The following ANKRD66 variants were observed in gnomAD, a reference collection of about 807,000 sequenced individuals.
ANKRD66 encodes the protein ankyrin repeat domain-containing protein 66.
In ANKRD66, 10 loss-of-function variants were observed where a neutral mutation model predicts 10.9. The observed-to-expected ratio is 0.91, with a 90% confidence interval of 0.56 to 1.55. ANKRD66 has a LOEUF of 1.55. ANKRD66 is among the 40% of genes most tolerant of loss of function. The pLI, the probability that ANKRD66 is intolerant of heterozygous loss-of-function variation, is 0.00. For synonymous variants in ANKRD66, 85 were observed against 88.4 expected (o/e 0.96, Z 0.22); for missense variants, 252 against 242.9 (o/e 1.04, Z -0.25).
In ANKRD66 at chr6:46,753,897, G is replaced by A. The variant is rs941971120; in HGVS notation, c.339G>A (p.Pro113=). ...CCCCTGACTTCTTTGGAGACACACC[G>A]AAGAGGATTGCACAGATCTATGGAC... The part of the protein sequence containing the change: ...IDAPDFFGDT[P]KRIAQIYGQK... The change falls in exon 4 of 5, where the codon CCG becomes CCA. Residue 113 remains proline, a synonymous_variant. Transcript: ENST00000565422. 1.0e-5 allele frequency: 16 copies of A among 1,551,508 alleles called. No homozygotes were observed. Among genetic ancestry groups the A allele is most frequent in the South Asian group, 4.8e-5 (4 of 84,056 alleles).
intron 4 of ANKRD66, among the ~76,000 whole-genome samples, chr6:46,755,442 A>G: frequency 6.6e-6 from 1 of 152,214 alleles, no homozygotes; most frequent in South Asian, 2.1e-4. Context: ...TTTAGAAAAA[A>G]TATTGAAGCC....
intron 4 of ANKRD66, chr6:46,758,470 G>A (rs1766421958): frequency 8.2e-6 from 3 of 367,330 alleles, no homozygotes; most frequent in African/African-American, 4.1e-5. Flanking sequence ...AGAATCAGGA[G>A]CATTTTCTTC....
In ANKRD66 at chr6:46,758,705, C is replaced by G. The variant is rs1158396399; in HGVS notation, c.393-18C>G. On this transcript the variant is annotated intron_variant, in intron 4 of 4. Coordinates refer to ENST00000565422, the MANE Select transcript of ANKRD66 (RefSeq NM_001162435.3). Reference sequence around the variant, plus strand: ...GTCCTCCTGATCCAAGTTCAGAAGGCTCTCTCTTCTTTCCTAGGGCAGAGC... The same window carrying G: ...GTCCTCCTGATCCAAGTTCAGAAGGGTCTCTCTTCTTTCCTAGGGCAGAGC... The G allele has an allele frequency of 7.8e-6, 12 of 1,531,616 alleles. No homozygotes were observed. Among genetic ancestry groups the G allele is most frequent in the Non-Finnish European group, 9.7e-6 (11 of 1,139,716 alleles). The allele number at this position is 1,531,616 out of a possible 1,614,324, so 94.9% of individuals were successfully genotyped here. A position where few individuals can be genotyped will look rare whatever the true frequency, so the allele number is the denominator to read the frequency against.
At chr6:46,748,081 G>A (rs1317479791) in intron 1 of ANKRD66, among the ~76,000 whole-genome samples, 1 of 152,122 alleles carries the variant, frequency 6.6e-6, no homozygotes, top group African/African-American at 2.4e-5. Context: ...GTGAGGGAGA[G>A]GACCAACTTC....
intron 4 of ANKRD66, chr6:46,756,873 T>C (rs1007515728): frequency 1.3e-5 from 2 of 152,250 alleles, no homozygotes; most frequent in Non-Finnish European, 2.9e-5. Context: ...TTTCTAAGAA[T>C]AAATCTTATG....
At chr6:46,751,491 A>AT (rs751205531) in intron 2 of ANKRD66, among the ~76,000 whole-genome samples, 5 of 151,382 alleles carry the variant, frequency 3.3e-5, no homozygotes, top group African/African-American at 4.9e-5. Context: ...ATCCAATATA[A>AT]TTTTTTTTTG....
intron 4 of ANKRD66, among the ~76,000 whole-genome samples, chr6:46,755,789 A>C (rs184120567): frequency 6.6e-6 from 1 of 152,334 alleles, no homozygotes; most frequent in African/African-American, 2.4e-5. Flanking sequence ...GCAACTTGAA[A>C]GCTAATCTAC....
intron 1 of ANKRD66, among the ~76,000 whole-genome samples, chr6:46,748,385 G>A (rs546396486): frequency 3.0e-4 from 46 of 152,118 alleles, no homozygotes; most frequent in Non-Finnish European, 6.2e-4. Flanking sequence ...GGGACAAATG[G>A]GGTTAGTTGA....
chr6:46,757,154 A>G (rs1287383536), intron 4 of ANKRD66: 5 of 152,326 alleles, frequency 3.3e-5, no homozygotes, highest in Admixed American at 6.5e-5. Flanking sequence ...ACTTATTATC[A>G]GCTCCCACTA....
chr6:46,747,275 A>C (rs751555744), intron 1 of ANKRD66, among the ~76,000 whole-genome samples: 8 of 152,170 alleles, frequency 5.3e-5, no homozygotes, highest in Non-Finnish European at 8.8e-5. Flanking sequence ...AAAGCTTCTA[A>C]TTAATAGTTT....
intron 1 of ANKRD66, among the ~76,000 whole-genome samples, chr6:46,747,325 T>C (rs1766164884): frequency 1.3e-5 from 2 of 152,200 alleles, no homozygotes; most frequent in African/African-American, 2.4e-5. Context: ...TCACATACCA[T>C]AAAACTGGAT....
Position 46,759,369 on chromosome 6 carries a change from G to A in ANKRD66, c.*448G>A, listed in dbSNP as rs1380435636. 6.6e-6 allele frequency: 1 copy of A among 152,668 alleles called. No homozygotes were observed. Among genetic ancestry groups the A allele is most frequent in the Non-Finnish European group, 1.5e-5 (1 of 68,440 alleles). 9.5% of individuals were successfully genotyped at this position (152,668 alleles called of 1,614,324 possible). On this transcript the variant is annotated 3_prime_UTR_variant, in exon 5 of 5. Transcript: ENST00000565422. ...CAATAAAAAATTGCATCCAAATTGAGATGCAAAATACACATTAGATTTCAA... is the reference window on the plus strand; with the variant it reads ...CAATAAAAAATTGCATCCAAATTGAAATGCAAAATACACATTAGATTTCAA...
At chr6:46,752,191 G>T (rs756356875) in intron 3 of ANKRD66, 80 bp downstream of exon 3, 17 of 1,310,544 alleles carry the variant, frequency 1.3e-5, no homozygotes, top group Middle Eastern at 2.8e-4. Context: ...CTATGTGGGG[G>T]AGTGGAACAA....
Position 46,759,116 on chromosome 6 carries a change from G to C in ANKRD66, c.*195G>C. On this transcript the variant is annotated 3_prime_UTR_variant, in exon 5 of 5. Coordinates refer to ENST00000565422, the MANE Select transcript of ANKRD66 (RefSeq NM_001162435.3). ...ACCTACTGTGTACAATAATTACCGG[G>C]AAAGGACAAAACCTGCTTGCATTTT... The C allele has an allele frequency of 2.3e-6, 1 of 436,754 alleles. No homozygotes were observed. Among genetic ancestry groups the C allele is most frequent in the Non-Finnish European group, 3.9e-6 (1 of 253,888 alleles). 27.1% of individuals were successfully genotyped at this position (436,754 alleles called of 1,614,324 possible).
intron 4 of ANKRD66, chr6:46,756,109 A>G (rs769139216): frequency 2.2e-6 from 1 of 447,502 alleles, no homozygotes; most frequent in Non-Finnish European, 4.5e-6. Context: ...ATATAAATCA[A>G]GAAACGCCTG....
intron 3 of ANKRD66, among the ~76,000 whole-genome samples, chr6:46,752,398 T>C (rs1445067659): frequency 6.6e-6 from 1 of 151,904 alleles, no homozygotes; most frequent in Non-Finnish European, 1.5e-5. Context: ...CCACGACTAG[T>C]GAATTTTTGT....
chr6:46,758,596 T>G, intron 4 of ANKRD66, 127 bp from the exon 5 acceptor site: 1 of 842,948 alleles, frequency 1.2e-6, no homozygotes, highest in Non-Finnish European at 1.7e-6. Context: ...TGCTTGGAAA[T>G]GCTCAAACTT....
chr6:46,747,126 T>C (rs1407233283), intron 1 of ANKRD66, 136 bp downstream of exon 1: 14 of 793,830 alleles, frequency 1.8e-5, no homozygotes, highest in African/African-American at 3.5e-5. Context: ...ACCAGAAAGA[T>C]AGGAAATCAA....
At chr6:46,751,249 A>G (rs959643374) in intron 2 of ANKRD66, among the ~76,000 whole-genome samples, 1 of 152,200 alleles carries the variant, frequency 6.6e-6, no homozygotes, top group Non-Finnish European at 1.5e-5. Context: ...TTGTCAACAC[A>G]GTGTAAAAAG....
Sources: allele counts gnomAD v4.1 joint callset (sites outside exome capture counted in the v4.1 genomes callset), GRCh38; gene constraint gnomAD v4.1.1; transcripts MANE v1.5; gene names NCBI Gene and HGNC (gene_info 2026-07-23, HGNC 2026-07-21).